Variants in EPSTI1 observed in about 807,000 individuals in gnomAD.
The protein encoded by EPSTI1 is epithelial-stromal interaction protein 1.
Under a neutral mutation model 49.9 loss-of-function variants are expected in EPSTI1, and 66 were observed. The observed-to-expected ratio is 1.32, with a 90% CI of 1.08 to 1.62. The LOEUF (loss-of-function observed/expected upper bound fraction) is 1.62, where lower values mean the gene tolerates loss of function less well. Among genes scored for constraint, EPSTI1 ranks in the 40% most tolerant of loss-of-function variants. The pLI, the probability that EPSTI1 is intolerant of heterozygous loss-of-function variation, is 0.00. For synonymous variants in EPSTI1, 137 were observed against 130.7 expected (o/e 1.05, Z -0.33); for missense variants, 394 against 365.5 (o/e 1.08, Z -0.64).
At chr13:42,941,955 ATTAG>A (rs949036277) in intron 6 of EPSTI1, among the ~76,000 whole-genome samples, 10 of 152,202 alleles carry the variant, frequency 6.6e-5, no homozygotes, top group African/African-American at 2.4e-4. Flanking sequence ...TCTATGGAGA[ATTAG>A]TTAAATAAAA....
intron 6 of EPSTI1, among the ~76,000 whole-genome samples, chr13:42,942,062 A>T (rs907961924): frequency 1.3e-5 from 2 of 152,250 alleles, no homozygotes; most frequent in South Asian, 2.1e-4. Context: ...TGTGACTTGC[A>T]TTTTCCTTTG....
intron 6 of EPSTI1, among the ~76,000 whole-genome samples, chr13:42,937,621 T>A (rs1172530498): frequency 6.6e-6 from 1 of 152,200 alleles, no homozygotes; most frequent in Non-Finnish European, 1.5e-5. Flanking sequence ...AAAAAGCAAC[T>A]CCTCATCCGT....
chr13:42,915,360 C>A lies in EPSTI1; in HGVS notation c.741+2181G>T, dbSNP rs191295736. ...CAGCCTGGCCAACATGGTGAAACCC[C>A]ATCTCTACTAAAAATACAAAAATTA... On this transcript the variant is annotated intron_variant, in intron 8 of 10. Transcript: ENST00000313624. 3.7e-4 allele frequency among the ~76,000 whole-genome samples: 57 copies of A among 152,264 alleles called. 1 individual carries two copies. The East Asian group carries it at 0.011, about 29-fold the overall frequency.
chr13:42,976,981 A>G (rs1295574503), intron 1 of EPSTI1, among the ~76,000 whole-genome samples: 1 of 152,204 alleles, frequency 6.6e-6, no homozygotes, highest in Non-Finnish European at 1.5e-5. Context: ...TTAATTCTCA[A>G]TGGCTATGTA....
intron 6 of EPSTI1, among the ~76,000 whole-genome samples, chr13:42,939,216 C>A (rs1425508376): frequency 1.3e-5 from 2 of 152,184 alleles, no homozygotes. Context: ...CTATCCAGAC[C>A]ACTTGAACTT....
chr13:42,990,306 G>A (rs1290509932), intron 1 of EPSTI1, among the ~76,000 whole-genome samples: 5 of 152,060 alleles, frequency 3.3e-5, no homozygotes, highest in African/African-American at 1.2e-4. Context: ...GGGTATTAAG[G>A]CCTGGATAAC....
At chr13:42,966,664 C>T (rs1446104150) in intron 3 of EPSTI1, among the ~76,000 whole-genome samples, 1 of 78,132 alleles carries the variant, frequency 1.3e-5, no homozygotes, top group Non-Finnish European at 2.8e-5. Context: ...CGTCTCCGCC[C>T]GGCAGCCACC....
intron 1 of EPSTI1, among the ~76,000 whole-genome samples, chr13:42,974,603 G>A (rs949627337): frequency 7.3e-5 from 11 of 151,448 alleles, no homozygotes; most frequent in African/African-American, 2.4e-4. Context: ...AGCTTGCAGT[G>A]AGCCGAGATT....
At chr13:42,940,987 AG>A (rs2038733955) in intron 6 of EPSTI1, among the ~76,000 whole-genome samples, 2 of 152,144 alleles carry the variant, frequency 1.3e-5, no homozygotes, top group Non-Finnish European at 2.9e-5. Context: ...ATTATGTTTG[AG>A]GCAAATATTT....
At chr13:42,951,489 G>A (rs1267513417) in intron 6 of EPSTI1, among the ~76,000 whole-genome samples, 2 of 152,178 alleles carry the variant, frequency 1.3e-5, no homozygotes, top group Non-Finnish European at 2.9e-5. Flanking sequence ...ACAATAAGCA[G>A]AAGAAAGAGC....
rs779243255 is a variant in EPSTI1, at chr13:42,970,605, T to C, written c.247+7A>G. On this transcript the variant is annotated splice_region_variant and intron_variant, in intron 2 of 10. Transcript: ENST00000313624. ...ATTCTGAATGTTAAATGAATGACTA[T>C]ACATACTTCTTTGTATCTCATTTCT... 4 of 1,604,318 alleles carry C rather than the reference T, an allele frequency of 2.5e-6. No individual in the cohort carries two copies. In the South Asian group the frequency reaches 3.4e-5, roughly 13 times the overall value.
intron 1 of EPSTI1, among the ~76,000 whole-genome samples, chr13:42,980,382 T>C (rs572765629): frequency 6.6e-6 from 1 of 152,246 alleles, no homozygotes; most frequent in Admixed American, 6.5e-5. Context: ...GACTGGGTGA[T>C]TTATAAAGAA....
chr13:42,955,212 A>G (rs767811005), intron 5 of EPSTI1, among the ~76,000 whole-genome samples: 1 of 152,206 alleles, frequency 6.6e-6, no homozygotes, highest in African/African-American at 2.4e-5. Context: ...CTAGGAAAAA[A>G]TCCTGACTGA....
At position 42,888,466 on chromosome 13, in the gene EPSTI1, T is replaced by G; in HGVS notation, c.*28A>C. The stretch of plus-strand genomic sequence containing the variant: ...CATGAGGCTTTTCGAGGTCAGTTGA[T>G]GAAGGCCAGATAGGAGTCAATATTT... On this transcript the variant is annotated 3_prime_UTR_variant, in exon 11 of 11. Coordinates refer to ENST00000313624, the MANE Select transcript of EPSTI1 (RefSeq NM_033255.5). The G allele has an allele frequency of 6.2e-7, 1 of 1,614,018 alleles. No homozygotes were observed. Among genetic ancestry groups the G allele is most frequent in the Non-Finnish European group, 8.5e-7 (1 of 1,179,964 alleles).
chr13:42,989,405 C>G (rs1424991954), intron 1 of EPSTI1, among the ~76,000 whole-genome samples: 1 of 152,020 alleles, frequency 6.6e-6, no homozygotes, highest in Non-Finnish European at 1.5e-5. Context: ...CCAGGTCTAC[C>G]CAGCATCAGA....
intron 6 of EPSTI1, among the ~76,000 whole-genome samples, chr13:42,948,520 C>G (rs2038994866): frequency 6.8e-6 from 1 of 147,604 alleles, no homozygotes; most frequent in Non-Finnish European, 1.5e-5. Flanking sequence ...GTTGCTCAGG[C>G]TAGAGTGCAG....
intron 6 of EPSTI1, among the ~76,000 whole-genome samples, chr13:42,927,465 C>T (rs1197047248): frequency 6.6e-6 from 1 of 152,210 alleles, no homozygotes; most frequent in Non-Finnish European, 1.5e-5. Flanking sequence ...TGCTAGCCCT[C>T]TGCTTCCCCC....
intron 7 of EPSTI1, among the ~76,000 whole-genome samples, chr13:42,924,884 T>G (rs1042158885): frequency 6.6e-6 from 1 of 152,176 alleles, no homozygotes; most frequent in African/African-American, 2.4e-5. Flanking sequence ...TTTAAAAACA[T>G]GGTCTCTATT....
intron 8 of EPSTI1, among the ~76,000 whole-genome samples, 160 bp from the exon 9 acceptor site, chr13:42,900,543 G>T (rs748118768): frequency 2.0e-5 from 3 of 151,396 alleles, no homozygotes; most frequent in African/African-American, 7.3e-5. Flanking sequence ...TCTTATATAC[G>T]TAGGTAGCAA....
Sources: gnomAD v4.1 joint callset for allele counts (sites outside exome capture counted in the v4.1 genomes callset) on GRCh38, gnomAD v4.1.1 for gene constraint, MANE v1.5 for transcripts, NCBI Gene and HGNC (gene_info 2026-07-23, HGNC 2026-07-21) for gene names.